The following ASF1A variants were observed in gnomAD, a reference collection of about 807,000 sequenced individuals.
The protein encoded by ASF1A is histone chaperone ASF1A.
A neutral mutation model predicts 22.0 loss-of-function variants in ASF1A; 5 were observed. That is an observed-to-expected ratio of 0.23 (90% CI 0.12 to 0.48). ASF1A has a LOEUF of 0.48. Ranked by LOEUF, ASF1A falls within the 20% of genes least tolerant of loss-of-function variation. The pLI is 0.99. For synonymous variants in ASF1A, 97 were observed against 86.7 expected, an observed-to-expected ratio of 1.12 and a Z score of -0.66; for missense variants, 137 against 240.6, an observed-to-expected ratio of 0.57 and a Z score of 2.85.
chr6:118,908,129 G>A lies in ASF1A; in HGVS notation c.*515G>A, dbSNP rs1490143140. 1 of 152,602 alleles carries A rather than the reference G, an allele frequency of 6.6e-6. No homozygotes were observed. Among genetic ancestry groups the A allele is most frequent in the Non-Finnish European group, 1.5e-5 (1 of 68,350 alleles). The allele number at this position is 152,602 out of a possible 1,614,324, so 9.5% of individuals were successfully genotyped here. On this transcript the variant is annotated 3_prime_UTR_variant, in exon 4 of 4. Coordinates refer to ENST00000229595, the MANE Select transcript of ASF1A (RefSeq NM_014034.3). ...AACTATATGCTACCAAGAACTTTAGGATCCAATTTTCCAAGCCACCGTGAA... is the reference window on the plus strand; with the variant it reads ...AACTATATGCTACCAAGAACTTTAGAATCCAATTTTCCAAGCCACCGTGAA...
intron 2 of ASF1A, among the ~76,000 whole-genome samples, chr6:118,904,211 C>T (rs1401554794): frequency 2.0e-5 from 3 of 152,080 alleles, no homozygotes; most frequent in Admixed American, 6.5e-5. Context: ...TGAATTCAGC[C>T]TCCAGAAATG....
intron 1 of ASF1A, 68 bp downstream of exon 1, chr6:118,894,590 G>A: frequency 7.4e-7 from 1 of 1,352,562 alleles, no homozygotes; most frequent in East Asian, 2.5e-5. Context: ...TTCCCGGGCC[G>A]GGCCTCGCGC....
chr6:118,905,831 A>G lies in ASF1A; in HGVS notation c.402+3A>G. 6.3e-7 allele frequency: 1 copy of G among 1,586,060 alleles called. No individual in the cohort carries two copies. ...CAGTAAAACCAGACTTTTCTAAGGT[A>G]ATGTTCTTACTATTCCTTTTTAACT... On this transcript the variant is annotated splice_donor_region_variant and intron_variant, in intron 3 of 3. Transcript: ENST00000229595.
intron 1 of ASF1A, among the ~76,000 whole-genome samples, chr6:118,898,339 AATT>A (rs987027973): frequency 3.9e-5 from 6 of 152,206 alleles, no homozygotes; most frequent in African/African-American, 1.4e-4. Flanking sequence ...CACAAATGCG[AATT>A]TATACCACTT....
chr6:118,907,482 A>C lies in ASF1A; in HGVS notation c.483A>C (p.Glu161Asp). The C allele has an allele frequency of 6.2e-6, 10 of 1,613,568 alleles. No homozygotes were observed. Among genetic ancestry groups the C allele is most frequent in the Non-Finnish European group, 8.5e-6 (10 of 1,179,656 alleles). ...GGGAAGATAACACAGAAAAACTGGA[A>C]GATGCAGAGAGCAGTAATCCAAATC... is the stretch of plus-strand genomic sequence containing the variant. ...INWEDNTEKL[E>D]DAESSNPNLQ... Residue 161 changes from glutamate (E) to aspartate (D), a missense_variant, in exon 4 of 4, where the codon GAA becomes GAC. Physicochemically the swap from Glu to Asp is conservative, Grantham distance 45. Coordinates refer to ENST00000229595, the MANE Select transcript of ASF1A (RefSeq NM_014034.3).
At chr6:118,904,082 T>G (rs1003042360) in intron 2 of ASF1A, among the ~76,000 whole-genome samples, 5 of 138,854 alleles carry the variant, frequency 3.6e-5, no homozygotes, top group Admixed American at 6.9e-5. Context: ...TAATCTGAGG[T>G]TTTAAAACCA....
chr6:118,901,607 G>A (rs1779801332), intron 2 of ASF1A, among the ~76,000 whole-genome samples: 1 of 152,210 alleles, frequency 6.6e-6, no homozygotes, highest in Admixed American at 6.5e-5. Context: ...ATTCAAAAGT[G>A]TTATTTCTTT....
intron 2 of ASF1A, among the ~76,000 whole-genome samples, chr6:118,905,381 C>G (rs1780109838): frequency 6.6e-6 from 1 of 152,176 alleles, no homozygotes; most frequent in African/African-American, 2.4e-5. Flanking sequence ...TCATGAACCA[C>G]CATGCAGTGT....
intron 1 of ASF1A, among the ~76,000 whole-genome samples, chr6:118,894,772 G>T (rs760621063): frequency 6.6e-6 from 1 of 152,216 alleles, no homozygotes; most frequent in Admixed American, 6.5e-5. Flanking sequence ...TAGCCATGTT[G>T]TCAGCTTTGT....
chr6:118,899,497 T>C (rs1232529067), intron 1 of ASF1A, among the ~76,000 whole-genome samples: 1 of 152,134 alleles, frequency 6.6e-6, no homozygotes, highest in African/African-American at 2.4e-5. Flanking sequence ...ACTTCCTCTC[T>C]ATCTCCATCA....
At chr6:118,906,336 G>C (rs1209438366) in intron 3 of ASF1A, among the ~76,000 whole-genome samples, 1 of 152,138 alleles carries the variant, frequency 6.6e-6, no homozygotes, top group Non-Finnish European at 1.5e-5. Flanking sequence ...ACCTCCCAAA[G>C]TGCTGGGATT....
At chr6:118,902,807 G>C (rs562881794) in intron 2 of ASF1A, among the ~76,000 whole-genome samples, 9 of 152,176 alleles carry the variant, frequency 5.9e-5, no homozygotes, top group African/African-American at 2.2e-4. Flanking sequence ...TCAACAGAAA[G>C]AGACTAAATT....
Position 118,905,756 on chromosome 6 carries a change from C to G in ASF1A, c.330C>G (p.Gly110=), listed in dbSNP as rs1780139042. 9 of 1,613,168 alleles carry G rather than the reference C, an allele frequency of 5.6e-6. No homozygotes were observed. The highest frequency in any genetic ancestry group is 5.9e-6 in the Non-Finnish European group (7 of 1,179,274). Residue 110 remains glycine (G), a synonymous_variant, in exon 3 of 4, where the codon GGC becomes GGG. Transcript: ENST00000229595. The part of the protein sequence containing the change: ...TYRGQEFIRV[G]YYVNNEYTET... ...GAGGACAAGAATTTATTAGAGTTGG[C>G]TATTATGTAAATAATGAATATACTG...
chr6:118,895,499 C>T (rs1779331350), intron 1 of ASF1A, among the ~76,000 whole-genome samples: 1 of 152,230 alleles, frequency 6.6e-6, no homozygotes, highest in Non-Finnish European at 1.5e-5. Flanking sequence ...AATAACTCCA[C>T]ATCCAAATAC....
chr6:118,895,317 TC>T (rs1779316139), intron 1 of ASF1A, among the ~76,000 whole-genome samples: 1 of 152,134 alleles, frequency 6.6e-6, no homozygotes, highest in Non-Finnish European at 1.5e-5. Context: ...CAACGTGGAC[TC>T]CTTTCCCCTA....
chr6:118,907,339 A>G (rs2114559194), intron 3 of ASF1A, 63 bp from the exon 4 acceptor site: 1 of 1,173,862 alleles, frequency 8.5e-7, no homozygotes, highest in East Asian at 2.6e-5. Context: ...TTAAGCTTCT[A>G]TTTGTATATG....
chr6:118,894,771 T>G (rs1347340078), intron 1 of ASF1A, among the ~76,000 whole-genome samples: 3 of 152,178 alleles, frequency 2.0e-5, no homozygotes, highest in African/African-American at 4.8e-5. Flanking sequence ...GTAGCCATGT[T>G]GTCAGCTTTG....
At position 118,894,259 on chromosome 6, in the gene ASF1A, G is replaced by A. The variant is rs1029007458; in HGVS notation, c.-155G>A. 2.1e-6 allele frequency: 3 copies of A among 1,456,344 alleles called. No homozygotes were observed. The highest frequency in any genetic ancestry group is 2.7e-6 in the Non-Finnish European group (3 of 1,110,330). The allele number at this position is 1,456,344 out of a possible 1,614,324, so 90.2% of individuals were successfully genotyped here. A position where few individuals can be genotyped will look rare whatever the true frequency, so the allele number is the denominator to read the frequency against. On this transcript the variant is annotated 5_prime_UTR_variant, in exon 1 of 4. Transcript: ENST00000229595. ...GCAAAACACTGTGGAGTGCTCCCGT[G>A]TAAATAAAAAGAGGAAAAAAGTTTC... is the stretch of plus-strand genomic sequence containing the variant.
At chr6:118,894,568 G>T (rs965265591) in intron 1 of ASF1A, 46 bp downstream of exon 1, 1 of 1,462,510 alleles carries the variant, frequency 6.8e-7, no homozygotes, top group African/African-American at 1.4e-5. Context: ...GCGGGCTGCA[G>T]ACGTTGAAAG....
Sources: allele counts gnomAD v4.1 joint callset (sites outside exome capture counted in the v4.1 genomes callset), GRCh38; gene constraint gnomAD v4.1.1; transcripts MANE v1.5; gene names NCBI Gene and HGNC (gene_info 2026-07-23, HGNC 2026-07-21).